Variants in CACNA1C observed in about 807,000 individuals in gnomAD.
CACNA1C encodes voltage-dependent L-type calcium channel subunit alpha-1C.
CACNA1C carries 30 observed loss-of-function variants against 229.0 expected under a neutral mutation model. That is an observed-to-expected ratio of 0.13 (90% CI 0.10 to 0.18). CACNA1C has a LOEUF of 0.18. Ranked by LOEUF, CACNA1C falls within the 10% of genes least tolerant of loss-of-function variation. The pLI, the probability that CACNA1C is intolerant of heterozygous loss-of-function variation, is 1.00. For synonymous variants in CACNA1C, 1,114 were observed against 1,132.5 expected (o/e 0.98, Z 0.33); for missense variants, 1,658 against 2,845.0 (o/e 0.58, Z 9.49).
intron 38 of CACNA1C, among the ~76,000 whole-genome samples, chr12:2,670,301 C>T (rs555933399): frequency 1.3e-4 from 20 of 152,126 alleles, no homozygotes; most frequent in East Asian, 9.7e-4. Context: ...GAAGGAGCCC[C>T]GGGCAGGTGG....
rs75532261 is a variant in CACNA1C, at chr12:2,233,767, C to G, written c.477+113337C>G. On this transcript the variant is annotated intron_variant, in intron 3 of 46. Transcript: ENST00000399655. ...CTCCCTCTAACCAATACTCTCTGGT[C>G]AGTGCTTCCCTCTCCTATGGGGTTG... is the stretch of plus-strand genomic sequence containing the variant. Among the ~76,000 whole-genome samples the G allele has an allele frequency of 5.3e-5, 8 of 152,306 alleles. No homozygotes were observed. The East Asian group carries it at 1.5e-3, about 29-fold the overall frequency.
In CACNA1C at chr12:2,054,237, C is replaced by T. The variant is rs560684696; in HGVS notation, c.49+626C>T. Among the ~76,000 whole-genome samples, 4 of 152,190 alleles carry T rather than the reference C, an allele frequency of 2.6e-5. No homozygotes were observed. The highest frequency in any genetic ancestry group is 4.8e-5 in the African/African-American group (2 of 41,562). On this transcript the variant is annotated intron_variant, in intron 1 of 46. Transcript: ENST00000399655. This position sits in a 1 kb window ranked among gnomAD's most constrained non-coding sequence, Gnocchi z 5.5. ...TCCCCCTCTGTAGGTCCCCTTCTTC[C>T]TCTCTCCCTCCCTCCTCCGCCGCTC...
chr12:2,557,197 C>T (rs1403708496), intron 11 of CACNA1C, among the ~76,000 whole-genome samples: 2 of 152,190 alleles, frequency 1.3e-5, no homozygotes, highest in African/African-American at 4.8e-5. Context: ...CTTGGACTGT[C>T]CATCTTTTTG....
At chr12:2,008,377 G>A (rs1161884986) in intron 1 of CACNA1C, among the ~76,000 whole-genome samples, 1 of 152,150 alleles carries the variant, frequency 6.6e-6, no homozygotes, top group Non-Finnish European at 1.5e-5. Context: ...GTCTCACTAT[G>A]TTGCTCAGGA....
intron 3 of CACNA1C, among the ~76,000 whole-genome samples, chr12:2,355,694 C>T (rs963109501): frequency 1.1e-4 from 16 of 152,168 alleles, no homozygotes; most frequent in African/African-American, 3.6e-4. Context: ...CTATGGCTTG[C>T]AATGGGGGCG....
At chr12:2,476,826 A>G (rs189936020) in intron 5 of CACNA1C, among the ~76,000 whole-genome samples, 79 of 152,358 alleles carry the variant, frequency 5.2e-4, no homozygotes, top group African/African-American at 1.7e-3. Context: ...CTAAATTAAA[A>G]ATAAATGAAA....
At chr12:2,464,022 A>C (rs1326319324) in intron 5 of CACNA1C, among the ~76,000 whole-genome samples, 1 of 152,136 alleles carries the variant, frequency 6.6e-6, no homozygotes, top group African/African-American at 2.4e-5. Context: ...GCAGTAAGCA[A>C]GGGGTCGTTT....
At chr12:2,310,099 C>A (rs112455405) in intron 3 of CACNA1C, among the ~76,000 whole-genome samples, 1 of 152,110 alleles carries the variant, frequency 6.6e-6, no homozygotes, top group Non-Finnish European at 1.5e-5. Context: ...GGCTACGAAG[C>A]GGAACACTTG....
intron 5 of CACNA1C, among the ~76,000 whole-genome samples, chr12:2,480,433 A>G (rs986983679): frequency 2.6e-5 from 4 of 152,212 alleles, no homozygotes; most frequent in Non-Finnish European, 5.9e-5. Context: ...CACAGAGTTT[A>G]TTATACATCA....
At chr12:2,538,731 T>C (rs921239380) in intron 9 of CACNA1C, among the ~76,000 whole-genome samples, 9 of 152,230 alleles carry the variant, frequency 5.9e-5, no homozygotes, top group African/African-American at 1.2e-4. Context: ...TTCCTTCATC[T>C]ATCCACTTGA....
chr12:2,523,743 G>A (rs1007950679), intron 9 of CACNA1C, among the ~76,000 whole-genome samples: 28 of 152,308 alleles, frequency 1.8e-4, no homozygotes, highest in Admixed American at 9.8e-4. Context: ...TTTGCAAATC[G>A]ATCTATACAC....
rs1376076622 is a variant in CACNA1C, at chr12:2,410,083, G to A, written c.478-38893G>A. On this transcript the variant is annotated intron_variant, in intron 3 of 46. Transcript: ENST00000399655. The surrounding 1 kb of genome is among the most constrained non-coding windows in gnomAD (Gnocchi z 5.3). ...TGCCAGCCGCGGGCCTCAGCAAGCT[G>A]GCAGCTTCGTCCTCTCAGACTGTGG... Among the ~76,000 whole-genome samples, 1 of 152,206 alleles carries A rather than the reference G, an allele frequency of 6.6e-6. No homozygotes were observed. The highest frequency in any genetic ancestry group is 1.5e-5 in the Non-Finnish European group (1 of 68,022).
At chr12:2,173,890 A>G (rs142789512) in intron 3 of CACNA1C, among the ~76,000 whole-genome samples, 2 of 152,046 alleles carry the variant, frequency 1.3e-5, no homozygotes, top group South Asian at 2.1e-4. Flanking sequence ...AACTTCCCCA[A>G]TCTCTCTGCA....
chr12:2,596,168 C>T lies in CACNA1C; in HGVS notation c.2793+165C>T, dbSNP rs575419635. 8.4e-5 allele frequency: 49 copies of T among 580,322 alleles called. No homozygotes were observed. In the East Asian group the frequency reaches 1.5e-3, roughly 17 times the overall value. 35.9% of individuals were successfully genotyped at this position (580,322 alleles called of 1,614,324 possible). On this transcript the variant is annotated intron_variant, in intron 20 of 46. Coordinates refer to ENST00000399655, the MANE Select transcript of CACNA1C (RefSeq NM_000719.7). ...AGAGTAGGGCTTTGATAGAAAACCA[C>T]CCTAGGACCACAAGCAAATAAAAGA...
At chr12:2,237,065 T>A (rs575806737) in intron 3 of CACNA1C, among the ~76,000 whole-genome samples, 6 of 152,340 alleles carry the variant, frequency 3.9e-5, no homozygotes, top group African/African-American at 1.4e-4. Context: ...GTCTGTATTT[T>A]GGTGTATCTG....
At chr12:2,622,595 G>T (rs960112967) in intron 29 of CACNA1C, among the ~76,000 whole-genome samples, 4 of 152,172 alleles carry the variant, frequency 2.6e-5, no homozygotes, top group African/African-American at 7.2e-5. Flanking sequence ...CAGTCCTCAT[G>T]ATTCCATAAA....
At chr12:2,598,826 G>T (rs987799069) in intron 21 of CACNA1C, among the ~76,000 whole-genome samples, 3 of 152,216 alleles carry the variant, frequency 2.0e-5, no homozygotes, top group Non-Finnish European at 4.4e-5. Flanking sequence ...GCCCCCAGCT[G>T]CCATCCCTGG....
At chr12:2,190,605 G>A (rs538516243) in intron 3 of CACNA1C, among the ~76,000 whole-genome samples, 273 of 152,254 alleles carry the variant, frequency 1.8e-3, no homozygotes, top group African/African-American at 6.4e-3. Context: ...TTTCCTCAAG[G>A]AGGTCAATCC....
chr12:2,695,233 G>A lies in CACNA1C; in HGVS notation c.*4034G>A, dbSNP rs1391876035. On this transcript the variant is annotated 3_prime_UTR_variant, in exon 47 of 47. Coordinates refer to ENST00000399655, the MANE Select transcript of CACNA1C (RefSeq NM_000719.7). ...TTGACTCCCTCTGTGCCTCTTCCCA[G>A]TTCATGGAAGGATGTGTTCAGCTTA... 2 of 152,252 alleles carry A rather than the reference G, an allele frequency of 1.3e-5. No individual in the cohort carries two copies. Among genetic ancestry groups the A allele is most frequent in the South Asian group, 2.1e-4 (1 of 4,834 alleles). The allele number at this position is 152,252 out of a possible 1,614,324, so 9.4% of individuals were successfully genotyped here.
Sources: gnomAD v4.1 joint callset for allele counts (sites outside exome capture counted in the v4.1 genomes callset) on GRCh38, gnomAD v4.1.1 for gene constraint, Gnocchi (gnomAD v3.1) non-coding constraint, MANE v1.5 for transcripts, NCBI Gene and HGNC (gene_info 2026-07-23, HGNC 2026-07-21) for gene names.